The following ERCC8 variants were observed in gnomAD, a reference collection of about 807,000 sequenced individuals.
ERCC8 encodes ERCC excision repair 8, CSA ubiquitin ligase complex subunit.
In ERCC8, 52 loss-of-function variants were observed where a neutral mutation model predicts 54.9. The observed-to-expected ratio is 0.95, with a 90% CI of 0.76 to 1.19. The LOEUF is 1.19. Among genes scored for constraint, ERCC8 ranks in the 50% most tolerant of loss-of-function variants. ERCC8 has a pLI of 0.00. For synonymous variants in ERCC8, 146 were observed against 157.2 expected (o/e 0.93, Z 0.53); for missense variants, 514 against 466.1 (o/e 1.10, Z -0.95).
chr5:60,892,942 A>G lies in ERCC8; in HGVS notation c.844-1856T>C, dbSNP rs2112479218. 4.0e-6 allele frequency: 3 copies of G among 755,394 alleles called. No homozygotes were observed. The East Asian group carries it at 7.4e-5, about 19-fold the overall frequency. The allele number at this position is 755,394 out of a possible 1,614,324, so 46.8% of individuals were successfully genotyped here. A position where few individuals can be genotyped will look rare whatever the true frequency, so the allele number is the denominator to read the frequency against. ...GTGCGCATTTCACCAAGGCAGCAAT[A>G]GTTCCCCAGAACCCTCATGAGGTTT... On this transcript the variant is annotated intron_variant, in intron 9 of 11. Coordinates refer to ENST00000676185, the MANE Select transcript of ERCC8 (RefSeq NM_000082.4).
intron 9 of ERCC8, chr5:60,893,634 C>T (rs1176091913): frequency 3.3e-5 from 19 of 573,494 alleles, no homozygotes; most frequent in South Asian, 6.2e-5. Flanking sequence ...CCTATACTTC[C>T]GGCGGGGATC....
chr5:60,941,600 C>A (rs1046637270), intron 1 of ERCC8, among the ~76,000 whole-genome samples: 4 of 152,052 alleles, frequency 2.6e-5, no homozygotes, highest in Non-Finnish European at 5.9e-5. Flanking sequence ...TAGGATAAAT[C>A]CAAAGAGATC....
intron 1 of ERCC8, among the ~76,000 whole-genome samples, chr5:60,937,372 C>A (rs899203017): frequency 8.5e-5 from 13 of 152,108 alleles, no homozygotes; most frequent in African/African-American, 2.4e-4. Flanking sequence ...GAGATTATGT[C>A]TTTTGTCTTC....
At chr5:60,939,403 T>C (rs901440449) in intron 1 of ERCC8, among the ~76,000 whole-genome samples, 1 of 152,206 alleles carries the variant, frequency 6.6e-6, no homozygotes, top group African/African-American at 2.4e-5. Context: ...TTGGGTAAAA[T>C]ATTTCTATGG....
intron 1 of ERCC8, among the ~76,000 whole-genome samples, chr5:60,933,872 A>G (rs1749984978): frequency 6.6e-6 from 1 of 152,102 alleles, no homozygotes. Context: ...ATGGTCTCCA[A>G]TTCCACCCAG....
intron 11 of ERCC8, among the ~76,000 whole-genome samples, chr5:60,885,055 C>T (rs1748356451): frequency 6.6e-6 from 1 of 151,456 alleles, no homozygotes; most frequent in African/African-American, 2.4e-5. Context: ...CTCTGTCACC[C>T]AGGCTGGAGT....
At chr5:60,941,880 C>A (rs1038164011) in intron 1 of ERCC8, among the ~76,000 whole-genome samples, 13 of 151,810 alleles carry the variant, frequency 8.6e-5, no homozygotes, top group African/African-American at 2.9e-4. Flanking sequence ...CTACTTTTTT[C>A]CTTAAAATAT....
At chr5:60,938,526 G>T (rs1251180518) in intron 1 of ERCC8, among the ~76,000 whole-genome samples, 1 of 151,650 alleles carries the variant, frequency 6.6e-6, no homozygotes, top group African/African-American at 2.4e-5. Context: ...GCTAATTTTT[G>T]TATTTTTAGT....
At chr5:60,886,838 T>A (rs1748408572) in intron 11 of ERCC8, among the ~76,000 whole-genome samples, 1 of 152,124 alleles carries the variant, frequency 6.6e-6, no homozygotes, top group South Asian at 2.1e-4. Context: ...GTCAGAAATA[T>A]TAACAATTTT....
chr5:60,881,654 C>T (rs781118831), intron 11 of ERCC8, among the ~76,000 whole-genome samples: 61 of 152,188 alleles, frequency 4.0e-4, no homozygotes, highest in African/African-American at 2.7e-4. Context: ...TCGGACCCTC[C>T]GAGCCAGGCG....
At position 60,891,086 on chromosome 5, in the gene ERCC8, C is replaced by T. The variant is rs1326165021; in HGVS notation, c.844G>A (p.Val282Met). The change falls in exon 10 of 12, where the codon GTG becomes ATG. Residue 282 changes from valine to methionine, a missense_variant and splice_region_variant. Transcript: ENST00000676185. ...WNSSNGENTL[V>M]NYGKVCNNSK... The stretch of plus-strand genomic sequence containing the variant: ...TTATTACAAACTTTTCCATAGTTCA[C>T]CTGTAGGATTAAAATAATAAGGTTA... 10 of 1,589,142 alleles carry T rather than the reference C, an allele frequency of 6.3e-6. No homozygotes were observed. The highest frequency in any genetic ancestry group is 1.1e-5 in the South Asian group (1 of 90,424).
At chr5:60,908,853 A>G (rs1749159674) in intron 4 of ERCC8, among the ~76,000 whole-genome samples, 1 of 152,168 alleles carries the variant, frequency 6.6e-6, no homozygotes, top group South Asian at 2.1e-4. Context: ...CTACGCCAGC[A>G]GGTGTGAAAA....
At chr5:60,932,193 TA>T (rs1480902380) in intron 1 of ERCC8, 1 of 152,224 alleles carries the variant, frequency 6.6e-6, no homozygotes, top group Non-Finnish European at 1.5e-5. Flanking sequence ...AATAATACTA[TA>T]AAGGGAAAGA....
chr5:60,910,560 T>C (rs531807397), intron 4 of ERCC8, among the ~76,000 whole-genome samples: 3 of 152,318 alleles, frequency 2.0e-5, no homozygotes, highest in Non-Finnish European at 2.9e-5. Context: ...CTCAATAATG[T>C]TCTAAAGTTC....
intron 1 of ERCC8, among the ~76,000 whole-genome samples, chr5:60,934,428 G>GT (rs1561517344): frequency 6.6e-6 from 1 of 152,058 alleles, no homozygotes; most frequent in African/African-American, 2.4e-5. Context: ...TGTTGGGATT[G>GT]TTTATCTTTT....
chr5:60,926,617 G>C (rs1428210212), intron 2 of ERCC8, among the ~76,000 whole-genome samples: 3 of 152,160 alleles, frequency 2.0e-5, no homozygotes, highest in Non-Finnish European at 4.4e-5. Context: ...ACATTTTGTA[G>C]TTCAGTTACT....
intron 11 of ERCC8, among the ~76,000 whole-genome samples, chr5:60,884,336 C>T (rs1748330371): frequency 2.0e-5 from 3 of 151,540 alleles, no homozygotes; most frequent in South Asian, 2.1e-4. Context: ...ATTAGCTGGG[C>T]GTGGTGGTGG....
intron 11 of ERCC8, among the ~76,000 whole-genome samples, chr5:60,877,041 T>G (rs1319941970): frequency 6.6e-6 from 1 of 152,204 alleles, no homozygotes; most frequent in Non-Finnish European, 1.5e-5. Context: ...TAATCCATCT[T>G]GAATTGATTT....
intron 3 of ERCC8, among the ~76,000 whole-genome samples, chr5:60,920,806 C>T (rs4235484): frequency 0.87 from 132,098 of 151,864 alleles, 57,785 homozygotes; most frequent in East Asian, 0.95. Flanking sequence ...CAGTTCCTCA[C>T]GGAATATTAT....
Sources: gnomAD v4.1 joint callset for allele counts (sites outside exome capture counted in the v4.1 genomes callset) on GRCh38, gnomAD v4.1.1 for gene constraint, MANE v1.5 for transcripts, NCBI Gene and HGNC (gene_info 2026-07-23, HGNC 2026-07-21) for gene names.